KLHL29: variants seen among roughly 807,000 people sequenced by gnomAD.
KLHL29 encodes kelch like family member 29, also known as kelch-like protein 29.
In KLHL29, 21 loss-of-function variants were observed where a neutral mutation model predicts 80.4. That is an observed-to-expected ratio of 0.26 (90% CI 0.19 to 0.38). KLHL29 has a LOEUF of 0.38. Ranked by LOEUF, KLHL29 falls within the 10% of genes least tolerant of loss-of-function variation. The probability of loss-of-function intolerance (pLI) is 1.00; values close to 1 mark genes in which losing one functional copy is unlikely to be tolerated. For missense variants in KLHL29, 867 were observed against 1,223.9 expected (o/e 0.71, Z 4.35); for synonymous variants, 511 against 526.8 (o/e 0.97, Z 0.41).
intron 3 of KLHL29, among the ~76,000 whole-genome samples, chr2:23,629,313 A>C (rs1482409059): frequency 1.3e-5 from 2 of 151,594 alleles, no homozygotes. Context: ...CTGATATCAG[A>C]GGGGAGCTGA....
At chr2:23,550,567 A>G (rs1667098932) in intron 2 of KLHL29, among the ~76,000 whole-genome samples, 1 of 152,222 alleles carries the variant, frequency 6.6e-6, no homozygotes, top group Admixed American at 6.5e-5. Context: ...GGTGAAATAA[A>G]AGAGTGGTCG....
intron 11 of KLHL29, among the ~76,000 whole-genome samples, chr2:23,701,837 G>C (rs1001727375): frequency 8.7e-6 from 1 of 114,556 alleles, no homozygotes; most frequent in African/African-American, 3.4e-5. Context: ...AGTTTTGCTC[G>C]TTGCCCAGGC....
At chr2:23,627,892 AAGG>A (rs1335306244) in intron 3 of KLHL29, among the ~76,000 whole-genome samples, 1 of 145,240 alleles carries the variant, frequency 6.9e-6, no homozygotes, top group Non-Finnish European at 1.5e-5. Flanking sequence ...CCTGACTAGA[AAGG>A]AGGAGGCCAG....
At chr2:23,390,105 C>G (rs549588193) in intron 1 of KLHL29, among the ~76,000 whole-genome samples, 2 of 152,306 alleles carry the variant, frequency 1.3e-5, no homozygotes, top group East Asian at 3.9e-4. Flanking sequence ...GCAGCCTGTA[C>G]TTTCTTCAAG....
At chr2:23,568,833 C>G (rs1667650083) in intron 3 of KLHL29, among the ~76,000 whole-genome samples, 1 of 152,246 alleles carries the variant, frequency 6.6e-6, no homozygotes, top group Non-Finnish European at 1.5e-5. Flanking sequence ...CCCTTCAGTT[C>G]TGGCCAAGGC....
At chr2:23,668,851 T>A (rs527440731) in intron 5 of KLHL29, 1 of 151,932 alleles carries the variant, frequency 6.6e-6, no homozygotes, top group Non-Finnish European at 1.5e-5. Flanking sequence ...TCCCTTCCCC[T>A]CACCTCCACC....
intron 1 of KLHL29, among the ~76,000 whole-genome samples, chr2:23,448,639 G>T (rs1292209564): frequency 5.9e-5 from 9 of 152,148 alleles, no homozygotes; most frequent in Admixed American, 5.9e-4. Flanking sequence ...GGACTCTATT[G>T]CAGGAACTGT....
intron 1 of KLHL29, among the ~76,000 whole-genome samples, chr2:23,393,664 G>C (rs905496754): frequency 5.3e-5 from 8 of 152,184 alleles, no homozygotes; most frequent in African/African-American, 1.9e-4. Flanking sequence ...TTCTCGAGAT[G>C]GGTGTGAATA....
intron 3 of KLHL29, among the ~76,000 whole-genome samples, chr2:23,591,250 T>G (rs1453768424): frequency 1.3e-5 from 2 of 152,096 alleles, no homozygotes; most frequent in Non-Finnish European, 2.9e-5. Flanking sequence ...GCCGGTGCCC[T>G]TGGGGCAATT....
At chr2:23,482,536 C>T (rs898766023) in intron 2 of KLHL29, among the ~76,000 whole-genome samples, 3 of 152,192 alleles carry the variant, frequency 2.0e-5, no homozygotes, top group Non-Finnish European at 4.4e-5. Context: ...TCGGGGAAAG[C>T]ACCATGTGTG....
At position 23,707,286 on chromosome 2, in the gene KLHL29, A is replaced by G. The variant is rs1321433652; in HGVS notation, c.*622A>G. On this transcript the variant is annotated 3_prime_UTR_variant, in exon 14 of 14. Coordinates refer to ENST00000486442, the MANE Select transcript of KLHL29 (RefSeq NM_052920.2). ...GCAGGGACAGCGGTCTGTCCTTCAC[A>G]GGTTTTTCTACTGTGTTTTTGCTGG... 6.6e-6 allele frequency: 1 copy of G among 152,208 alleles called. No homozygotes were observed. The highest frequency in any genetic ancestry group is 1.5e-5 in the Non-Finnish European group (1 of 68,050). 9.4% of individuals were successfully genotyped at this position (152,208 alleles called of 1,614,324 possible).
At chr2:23,521,360 A>C (rs1666097371) in intron 2 of KLHL29, among the ~76,000 whole-genome samples, 1 of 152,226 alleles carries the variant, frequency 6.6e-6, no homozygotes. Context: ...GAAGTTTCCA[A>C]GCAGACTTTA....
intron 2 of KLHL29, among the ~76,000 whole-genome samples, chr2:23,482,623 A>G (rs978449262): frequency 6.6e-6 from 1 of 152,240 alleles, no homozygotes; most frequent in African/African-American, 2.4e-5. Context: ...TCTCTCCTGT[A>G]GGGATGATCT....
intron 2 of KLHL29, among the ~76,000 whole-genome samples, chr2:23,543,486 C>T (rs764560689): frequency 1.3e-5 from 2 of 152,126 alleles, no homozygotes; most frequent in African/African-American, 2.4e-5. Context: ...TTTCTTCTCC[C>T]GGATATTCCC....
intron 5 of KLHL29, among the ~76,000 whole-genome samples, chr2:23,655,057 T>C (rs3795932): frequency 0.35 from 53,607 of 152,042 alleles, 11,678 homozygotes; most frequent in East Asian, 0.53. Context: ...TTGGGCTCTT[T>C]CCTCATCTCC....
chr2:23,633,836 A>G (rs1375241158), intron 3 of KLHL29, among the ~76,000 whole-genome samples: 1 of 151,152 alleles, frequency 6.6e-6, no homozygotes, highest in Non-Finnish European at 1.5e-5. Context: ...TGAAGGCTCA[A>G]CTGTGGCAGT....
At chr2:23,655,510 C>T (rs1160783139) in intron 5 of KLHL29, among the ~76,000 whole-genome samples, 6 of 152,296 alleles carry the variant, frequency 3.9e-5, no homozygotes, top group South Asian at 2.1e-4. Flanking sequence ...GCATGGCCTA[C>T]GGCTCCTTGG....
intron 3 of KLHL29, among the ~76,000 whole-genome samples, chr2:23,581,651 C>T (rs909574892): frequency 2.6e-5 from 4 of 151,864 alleles, no homozygotes; most frequent in Non-Finnish European, 5.9e-5. Flanking sequence ...CATGGTGAAA[C>T]CCCATCTCTA....
At chr2:23,475,413 G>A (rs1324273561) in intron 1 of KLHL29, 147 bp from the exon 2 acceptor site, 1 of 101,736 alleles carries the variant, frequency 9.8e-6, no homozygotes, top group African/African-American at 4.1e-5. Flanking sequence ...AGGGATATCT[G>A]AGGCAGAGAC....
Sources: allele counts gnomAD v4.1 joint callset (sites outside exome capture counted in the v4.1 genomes callset), GRCh38; gene constraint gnomAD v4.1.1; transcripts MANE v1.5; gene names NCBI Gene and HGNC (gene_info 2026-07-23, HGNC 2026-07-21).